Variants in ESPN observed in about 807,000 individuals in gnomAD.
The protein encoded by ESPN is espin, also known as autosomal recessive deafness type 36 protein.
In ESPN, 68 loss-of-function variants were observed where a neutral mutation model predicts 77.7. The ratio of observed to expected loss-of-function variants is 0.87; its 90% CI spans 0.72 to 1.07. The LOEUF (loss-of-function observed/expected upper bound fraction) is 1.07, where lower values mean the gene tolerates loss of function less well. Ranked by LOEUF, ESPN falls within the 50% of genes least tolerant of loss-of-function variation. The pLI, the probability that ESPN is intolerant of heterozygous loss-of-function variation, is 0.00. For synonymous variants in ESPN, 449 were observed against 567.1 expected (o/e 0.79, Z 2.96); for missense variants, 1,060 against 1,239.0 (o/e 0.86, Z 2.17).
rs199562318 is a variant in ESPN, at chr1:6,425,245, T to C, written c.290T>C (p.Val97Ala). The change falls in exon 1 of 13, where the codon GTG (valine) becomes GCG (alanine). Residue 97 changes from valine to alanine, a missense_variant. Val to Ala is a moderately conservative substitution (Grantham distance 64). Around this residue, in one of 3 missense-constraint regions of ESPN, gnomAD observed 556 missense variants for 633.6 expected, o/e 0.88. Coordinates refer to ENST00000645284, the MANE Select transcript of ESPN (RefSeq NM_031475.3). The part of the protein sequence containing the change: ...QWLLSQGGCR[V>A]QDKDNSGATV... ...CTGCTGTCGCAGGGCGGCTGCAGAG[T>C]GCAGGTGGGTCCGCGCGGTTCGCCA... 10 of 1,566,910 alleles carry C rather than the reference T, an allele frequency of 6.4e-6. No individual in the cohort carries two copies. The highest frequency in any genetic ancestry group is 8.6e-6 in the Non-Finnish European group (10 of 1,164,998).
At chr1:6,455,475 C>T in intron 10 of ESPN, 1 of 397,406 alleles carries the variant, frequency 2.5e-6, no homozygotes, top group Admixed American at 4.4e-5. Flanking sequence ...GCTGCGGCAG[C>T]TGCTGAGGCA....
intron 12 of ESPN, among the ~76,000 whole-genome samples, chr1:6,457,674 C>A (rs1644080535): frequency 6.6e-6 from 1 of 152,194 alleles, no homozygotes; most frequent in Non-Finnish European, 1.5e-5. Flanking sequence ...GTCATCTCAC[C>A]CAGCCCAGTG....
Position 6,427,916 on chromosome 1 carries a change from C to T in ESPN, c.295-310C>T, listed in dbSNP as rs1643097993. On this transcript the variant is annotated intron_variant, in intron 1 of 12. Transcript: ENST00000645284. The surrounding 1 kb of genome is among the most constrained non-coding windows in gnomAD (Gnocchi z 4.6). Reference sequence around the variant, plus strand: ...CCTGGGCCTGGTGCCAGTCTCCTGCCGTGACAACCAGGTGCCTGTCGTGTA... The same window carrying T: ...CCTGGGCCTGGTGCCAGTCTCCTGCTGTGACAACCAGGTGCCTGTCGTGTA... Among the ~76,000 whole-genome samples, 2 of 152,210 alleles carry T rather than the reference C, an allele frequency of 1.3e-5. No homozygotes were observed. The highest frequency in any genetic ancestry group is 6.5e-5 in the Admixed American group (1 of 15,288).
intron 10 of ESPN, chr1:6,455,991 C>T (rs1644049226): frequency 2.5e-6 from 1 of 398,650 alleles, no homozygotes; most frequent in Admixed American, 4.4e-5. Flanking sequence ...GCCCGAGGCC[C>T]TGGCCCCTGC....
intron 1 of ESPN, among the ~76,000 whole-genome samples, chr1:6,426,138 G>C (rs1643025216): frequency 1.3e-5 from 2 of 152,172 alleles, no homozygotes; most frequent in African/African-American, 4.8e-5. Flanking sequence ...GGGTGACCTG[G>C]AGATGGAAGG....
intron 10 of ESPN, chr1:6,455,108 C>T: frequency 2.6e-6 from 1 of 386,192 alleles, no homozygotes; most frequent in Non-Finnish European, 4.6e-6. Context: ...AGCCCAGCGC[C>T]GCCGCCGCCC....
At chr1:6,443,458 G>T (rs1194658015) in intron 5 of ESPN, among the ~76,000 whole-genome samples, 8 of 152,252 alleles carry the variant, frequency 5.3e-5, no homozygotes, top group Admixed American at 4.6e-4. Flanking sequence ...AGCACCCACT[G>T]CTGTTGGCCA....
At chr1:6,457,429 G>T in intron 12 of ESPN, 57 bp downstream of exon 12, 1 of 1,613,412 alleles carries the variant, frequency 6.2e-7, no homozygotes, top group Non-Finnish European at 8.5e-7. Flanking sequence ...GTCGCAGAGG[G>T]TCGTCCCTTC....
chr1:6,449,817 A>C, intron 8 of ESPN, among the ~76,000 whole-genome samples: 1 of 152,094 alleles, frequency 6.6e-6, no homozygotes, highest in East Asian at 1.9e-4. Context: ...CCCTGCCAGG[A>C]CACCTAGAAG....
chr1:6,445,244 C>T (rs1292206575), intron 6 of ESPN, among the ~76,000 whole-genome samples: 1 of 152,276 alleles, frequency 6.6e-6, no homozygotes, highest in East Asian at 1.9e-4. Context: ...TGTGTACACA[C>T]ACCCTGACCG....
chr1:6,448,926 G>A lies in ESPN; in HGVS notation c.1750G>A (p.Gly584Ser), dbSNP rs1258567728. 1.4e-6 allele frequency: 2 copies of A among 1,393,312 alleles called. No homozygotes were observed. Among genetic ancestry groups the A allele is most frequent in the South Asian group, 1.6e-5 (1 of 63,996 alleles). The allele number at this position is 1,393,312 out of a possible 1,614,324, so 86.3% of individuals were successfully genotyped here. Residue 584 changes from glycine (G) to serine (S), a missense_variant, in exon 8 of 13, where the codon GGC (glycine) becomes AGC (serine). Gly to Ser is a moderately conservative substitution (Grantham distance 56). Around this residue, in one of 3 missense-constraint regions of ESPN, gnomAD observed 130 missense variants for 223.9 expected, o/e 0.58. Transcript: ENST00000645284. The part of the protein sequence containing the change: ...ALLPGNHVPN[G>S]CAADPKASRE... ...GCTTCCTGGGAACCATGTTCCTAAC[G>A]GCTGCGCCGCGGACCCCAAGGCGTC...
chr1:6,453,669 C>T (rs1246106794), intron 10 of ESPN, among the ~76,000 whole-genome samples: 4 of 152,058 alleles, frequency 2.6e-5, no homozygotes, highest in African/African-American at 9.7e-5. Flanking sequence ...AACGGACTTT[C>T]TCCTGGAGCA....
intron 10 of ESPN, chr1:6,454,421 T>C: frequency 2.5e-6 from 1 of 398,732 alleles, no homozygotes; most frequent in Non-Finnish European, 4.4e-6. Flanking sequence ...CTCTCTTGTC[T>C]TCCCCGCCTT....
intron 5 of ESPN, 38 bp from the exon 6 acceptor site, chr1:6,444,443 G>A (rs1201168672): frequency 6.2e-7 from 1 of 1,607,922 alleles, no homozygotes; most frequent in Non-Finnish European, 8.5e-7. Flanking sequence ...GCATCTTGGG[G>A]TATGGTTGTC....
intron 2 of ESPN, among the ~76,000 whole-genome samples, chr1:6,435,098 A>G (rs1197665386): frequency 6.6e-6 from 1 of 152,034 alleles, no homozygotes; most frequent in African/African-American, 2.4e-5. Flanking sequence ...TCAGGGCTGC[A>G]TTTCTTCCCT....
downstream of ESPN, chr1:6,461,305 GC>G: frequency 4.1e-6 from 5 of 1,219,610 alleles, no homozygotes; most frequent in Non-Finnish European, 5.9e-6. The surrounding 1 kb of genome is among the most constrained non-coding windows in gnomAD (Gnocchi z 6.3). Flanking sequence ...GGTGGGGCCG[GC>G]TGGTGCTGCT....
intron 12 of ESPN, among the ~76,000 whole-genome samples, chr1:6,458,363 T>TG (rs1644091431): frequency 6.7e-6 from 1 of 148,954 alleles, no homozygotes; most frequent in African/African-American, 2.5e-5. Flanking sequence ...TTGTCCAGGC[T>TG]GGAGTACAGT....
chr1:6,436,925 G>A (rs753819492), intron 2 of ESPN, among the ~76,000 whole-genome samples: 4 of 151,718 alleles, frequency 2.6e-5, no homozygotes, highest in Non-Finnish European at 5.9e-5. Context: ...CCCCTCCCCC[G>A]CAGCCCAACA....
At chr1:6,457,514 C>T in intron 12 of ESPN, 142 bp downstream of exon 12, 2 of 976,966 alleles carry the variant, frequency 2.0e-6, no homozygotes, top group Non-Finnish European at 3.2e-6. Context: ...TATAATACCC[C>T]AGAATCTCTC....
Sources: allele counts gnomAD v4.1 joint callset (sites outside exome capture counted in the v4.1 genomes callset), GRCh38; gene constraint gnomAD v4.1.1; regional missense constraint gnomAD v4.1.1; non-coding constraint Gnocchi (gnomAD v3.1); transcripts MANE v1.5; gene names NCBI Gene and HGNC (gene_info 2026-07-23, HGNC 2026-07-21).